ANKRD11: variants seen among roughly 807,000 people sequenced by gnomAD.
The protein encoded by ANKRD11 is ankyrin repeat domain 11.
A neutral mutation model predicts 195.7 loss-of-function variants in ANKRD11; 17 were observed. The observed-to-expected ratio is 0.09, with a 90% confidence interval of 0.06 to 0.13. The LOEUF is 0.13. Among genes scored for constraint, ANKRD11 ranks in the 10% least tolerant of loss-of-function variants. The probability of loss-of-function intolerance (pLI) is 1.00; values close to 1 mark genes in which losing one functional copy is unlikely to be tolerated. For synonymous variants in ANKRD11, 1,953 were observed against 1,528.1 expected (o/e 1.28, Z -6.49); for missense variants, 3,735 against 3,566.1 (o/e 1.05, Z -1.21).
rs1465036293 is a variant in ANKRD11, at chr16:89,415,071, C to T, written c.-60+3213G>A. 2.0e-5 allele frequency among the ~76,000 whole-genome samples: 3 copies of T among 151,696 alleles called. No homozygotes were observed. In the South Asian group the frequency reaches 6.2e-4, roughly 32 times the overall value. ...GTGATCCTTCCTCCCCGCTCAGCCTCCCCAAGTAGCTGAGACCACAGGCGC... is the reference window on the plus strand; with the variant it reads ...GTGATCCTTCCTCCCCGCTCAGCCTTCCCAAGTAGCTGAGACCACAGGCGC... On this transcript the variant is annotated intron_variant, in intron 2 of 12. Coordinates refer to ENST00000301030, the MANE Select transcript of ANKRD11 (RefSeq NM_013275.6).
chr16:89,430,607 T>C (rs2042937167), intron 1 of ANKRD11, among the ~76,000 whole-genome samples: 1 of 152,286 alleles, frequency 6.6e-6, no homozygotes, highest in Non-Finnish European at 1.5e-5. Flanking sequence ...AGGTGCGCTG[T>C]CCTTTAACAA....
chr16:89,433,168 A>G (rs1434968074), intron 1 of ANKRD11, among the ~76,000 whole-genome samples: 2 of 152,218 alleles, frequency 1.3e-5, no homozygotes, highest in African/African-American at 4.8e-5. Context: ...TATGGACAAG[A>G]GTAATTTGGA....
chr16:89,385,028 G>A (rs1029311386), intron 2 of ANKRD11, among the ~76,000 whole-genome samples: 1 of 151,506 alleles, frequency 6.6e-6, no homozygotes, highest in Middle Eastern at 3.4e-3. Flanking sequence ...TGGAACTACA[G>A]GCACACACCA....
At position 89,285,112 on chromosome 16, in the gene ANKRD11, C is replaced by G. The variant is rs777270316; in HGVS notation, c.1430G>C (p.Cys477Ser). ...VRFGKRSDKF[C>S]SSESESESSE... ...GGACTCGCTCTCCGACTCCGAGGAG[C>G]AGAACTTGTCGCTCCGCTTTCCGAA... Residue 477 changes from cysteine to serine, a missense_variant, in exon 9 of 13, where the codon TGC (cysteine) becomes TCC (serine). Transcript: ENST00000301030. The surrounding 1 kb of genome is among the most constrained non-coding windows in gnomAD (Gnocchi z 5.6). 2.7e-5 allele frequency: 43 copies of G among 1,613,596 alleles called. No individual in the cohort carries two copies. The Admixed American group carries it at 5.2e-4, about 19-fold the overall frequency.
intron 12 of ANKRD11, chr16:89,270,019 G>A (rs2032998218): frequency 6.6e-6 from 1 of 152,628 alleles, no homozygotes; most frequent in African/African-American, 2.4e-5. Flanking sequence ...GCCTGGGGAG[G>A]GTGTGGTGTG....
chr16:89,328,025 CA>C (rs1303147312), intron 2 of ANKRD11, among the ~76,000 whole-genome samples: 1 of 152,156 alleles, frequency 6.6e-6, no homozygotes, highest in Non-Finnish European at 1.5e-5. Flanking sequence ...AAGTATCAAA[CA>C]ACAAACATTA....
At chr16:89,333,926 C>A (rs923080645) in intron 2 of ANKRD11, among the ~76,000 whole-genome samples, 1 of 152,070 alleles carries the variant, frequency 6.6e-6, no homozygotes, top group Non-Finnish European at 1.5e-5. Context: ...TTTCTCACCA[C>A]TGGAAGCAGT....
chr16:89,279,303 C>T lies in ANKRD11; in HGVS notation c.7239G>A (p.Gln2413=), dbSNP rs745339361. The T allele has an allele frequency of 8.1e-6, 13 of 1,611,824 alleles. No homozygotes were observed. The highest frequency in any genetic ancestry group is 6.6e-5 in the South Asian group (6 of 90,956). ...TGGCGTCCACGATGGCGGCCAGCGT[C>T]TGCTGGATCACCTCCCGCGTCTGCT... ...STQQTREVIQ[Q]TLAAIVDAIK... is the part of the protein sequence containing the mutation. Residue 2413 remains glutamine, a synonymous_variant, in exon 9 of 13, where the codon CAG becomes CAA. Transcript: ENST00000301030. This position sits in a 1 kb window ranked among gnomAD's most constrained non-coding sequence, Gnocchi z 5.6.
chr16:89,383,666 C>T (rs1420702803), intron 2 of ANKRD11, among the ~76,000 whole-genome samples: 2 of 152,062 alleles, frequency 1.3e-5, no homozygotes, highest in Non-Finnish European at 2.9e-5. Flanking sequence ...CCCCTACCCT[C>T]GGACCAGCAA....
chr16:89,415,829 CAAAAAAAAAAAA>C (rs71134220), intron 2 of ANKRD11, among the ~76,000 whole-genome samples: 1 of 39,744 alleles, frequency 2.5e-5, no homozygotes, highest in Non-Finnish European at 4.7e-5. Context: ...GACTCTGTCT[CAAAAAAAAAAAA>C]AAAAAAAAAC....
rs770262960 is a variant in ANKRD11 at position 89,279,761 on chromosome 16, C to T, written c.6781G>A (p.Glu2261Lys). The change falls in exon 9 of 13, where the codon GAA becomes AAA. Residue 2261 changes from glutamate (E) to lysine (K), a missense_variant. Physicochemically the swap from Glu to Lys is moderately conservative, Grantham distance 56 (BLOSUM62 1). Coordinates refer to ENST00000301030, the MANE Select transcript of ANKRD11 (RefSeq NM_013275.6). This position sits in a 1 kb window ranked among gnomAD's most constrained non-coding sequence, Gnocchi z 5.6. ...CAGAGGGACGCGGCGGGGGGGCCTT[C>T]AGCCTCAGCCCCCTGGTCTCCGCTC... is the stretch of plus-strand genomic sequence containing the variant. ...LGSGDQGAEA[E>K]GPPAASLCAP... 500 of 1,524,040 alleles carry T rather than the reference C, an allele frequency of 3.3e-4. 6 individuals are homozygous for T. The South Asian group carries it at 5.0e-3, about 15-fold the overall frequency. 94.4% of individuals were successfully genotyped at this position (1,524,040 alleles called of 1,614,324 possible).
intron 2 of ANKRD11, among the ~76,000 whole-genome samples, chr16:89,402,895 C>T (rs1267576792): frequency 6.6e-6 from 1 of 152,032 alleles, no homozygotes; most frequent in East Asian, 1.9e-4. Context: ...GGAAGGAGCC[C>T]CATCAGGGCC....
intron 1 of ANKRD11, among the ~76,000 whole-genome samples, chr16:89,471,145 A>C (rs551148798): frequency 6.6e-6 from 1 of 151,614 alleles, no homozygotes; most frequent in South Asian, 2.1e-4. Flanking sequence ...TTGAGCTCAG[A>C]AGCTGGAGAT....
rs758627178 is a variant in ANKRD11 at position 89,290,767 on chromosome 16, A to T, written c.459T>A (p.Ser153=). The change falls in exon 6 of 13, where the codon TCT becomes TCA. Residue 153 remains serine (S), a synonymous_variant. Coordinates refer to ENST00000301030, the MANE Select transcript of ANKRD11 (RefSeq NM_013275.6). ...TCACTTTATCTTTGGTTTTTGAGGC[A>T]GAGTTGGGCGTTCCCTTCTGACACA... ...STVCQKGTPN[S]ASKTKDKVNK... 2.5e-6 allele frequency: 4 copies of T among 1,613,936 alleles called. No homozygotes were observed. Among genetic ancestry groups the T allele is most frequent in the Non-Finnish European group, 3.4e-6 (4 of 1,180,006 alleles).
Position 89,283,315 on chromosome 16 carries a change from CTTTCT to C in ANKRD11, c.3222_3226del (p.Arg1076SerfsTer24). The C allele has an allele frequency of 6.2e-7, 1 of 1,613,972 alleles. No homozygotes were observed. Among genetic ancestry groups the C allele is most frequent in the Non-Finnish European group, 8.5e-7 (1 of 1,180,034 alleles). ...TTTCCCTTGGTCGAGAGACGCTTTC[CTTTCT>C]TTGTCTTTGCCATGTGTGTCTTTAT... On this transcript the variant is annotated frameshift_variant, in exon 9 of 13. Coordinates refer to ENST00000301030, the MANE Select transcript of ANKRD11 (RefSeq NM_013275.6). LOFTEE classifies it high-confidence loss of function. This position sits in a 1 kb window ranked among gnomAD's most constrained non-coding sequence, Gnocchi z 4.3.
intron 2 of ANKRD11, among the ~76,000 whole-genome samples, chr16:89,381,331 CAAA>C (rs10567322): frequency 1.4e-4 from 11 of 76,360 alleles, no homozygotes; most frequent in South Asian, 1.0e-3. Context: ...GACTCTGCTG[CAAA>C]AAAAAAAAAA....
chr16:89,479,005 CA>C (rs1376052182), intron 1 of ANKRD11, among the ~76,000 whole-genome samples: 1 of 152,018 alleles, frequency 6.6e-6, no homozygotes, highest in African/African-American at 2.4e-5. Flanking sequence ...GGCTAGAGAC[CA>C]GTGGCATGAT....
At chr16:89,399,245 A>C (rs2041592431) in intron 2 of ANKRD11, among the ~76,000 whole-genome samples, 1 of 152,106 alleles carries the variant, frequency 6.6e-6, no homozygotes, top group African/African-American at 2.4e-5. Flanking sequence ...TTCTTCATTT[A>C]TCCGTAAGAG....
At chr16:89,460,592 C>A (rs999505265) in intron 1 of ANKRD11, among the ~76,000 whole-genome samples, 5 of 152,122 alleles carry the variant, frequency 3.3e-5, no homozygotes, top group Non-Finnish European at 7.3e-5. Flanking sequence ...AAATTTGACA[C>A]TGGGCACAGC....
Sources: allele counts gnomAD v4.1 joint callset (sites outside exome capture counted in the v4.1 genomes callset), GRCh38; gene constraint gnomAD v4.1.1; non-coding constraint Gnocchi (gnomAD v3.1); transcripts MANE v1.5; gene names NCBI Gene and HGNC (gene_info 2026-07-23, HGNC 2026-07-21).